The following STRA6 variants were observed in gnomAD, a reference collection of about 807,000 sequenced individuals.
STRA6 encodes receptor for retinol uptake STRA6.
A neutral mutation model predicts 83.6 loss-of-function variants in STRA6; 48 were observed. That is an observed-to-expected ratio of 0.57 (90% CI 0.46 to 0.73). The LOEUF is 0.73. STRA6 is among the 30% of genes least tolerant of loss of function. The probability of loss-of-function intolerance (pLI) is 0.00; values close to 1 mark genes in which losing one functional copy is unlikely to be tolerated. For missense variants in STRA6, 760 were observed against 838.8 expected (o/e 0.91, Z 1.16); for synonymous variants, 353 against 362.3 (o/e 0.97, Z 0.29).
chr15:74,192,386 C>T (rs759052523), intron 8 of STRA6, among the ~76,000 whole-genome samples: 7 of 152,130 alleles, frequency 4.6e-5, no homozygotes, highest in African/African-American at 7.2e-5. Flanking sequence ...GAGCTACAAG[C>T]GCTCAGAACT....
Position 74,191,449 on chromosome 15 carries a change from G to A in STRA6, c.763C>T (p.Leu255Phe). The change falls in exon 9 of 19, where the codon CTT becomes TTT. Residue 255 changes from leucine (L) to phenylalanine (F), a missense_variant. Coordinates refer to ENST00000395105, the MANE Select transcript of STRA6 (RefSeq NM_022369.4). ...SYSEEYLRNL[L>F]CRKKLGSSYH... ...CTGCTTCCCAGCTTCTTCCTGCAAA[G>A]GAGGTTCCTCAGATATTCCTCAGAG... is the stretch of plus-strand genomic sequence containing the variant. The A allele has an allele frequency of 1.2e-6, 2 of 1,614,208 alleles. No individual in the cohort carries two copies. The highest frequency in any genetic ancestry group is 1.7e-6 in the Non-Finnish European group (2 of 1,180,044).
At chr15:74,180,340 T>C in intron 18 of STRA6, 97 bp from the exon 19 acceptor site, 2 of 1,506,690 alleles carry the variant, frequency 1.3e-6, no homozygotes, top group Non-Finnish European at 1.8e-6. Flanking sequence ...ATCCCAGGCG[T>C]GTGCAGGTCG....
At chr15:74,193,361 C>A (rs2073646285) in intron 8 of STRA6, among the ~76,000 whole-genome samples, 1 of 152,192 alleles carries the variant, frequency 6.6e-6, no homozygotes, top group African/African-American at 2.4e-5. Flanking sequence ...TCTCAGCCCT[C>A]CCCTTTATCT....
chr15:74,180,684 T>C (rs1456031978), intron 18 of STRA6, 98 bp downstream of exon 18: 2 of 1,498,112 alleles, frequency 1.3e-6, no homozygotes, highest in African/African-American at 2.8e-5. Flanking sequence ...AAGTGAGAAT[T>C]TTCCTGGCGC....
exon 1 of STRA6, chr15:74,208,910 G>T: frequency 1.0e-6 from 1 of 990,506 alleles, no homozygotes; most frequent in Non-Finnish European, 1.2e-6. Flanking sequence ...CCAACACGGG[G>T]CCTTCTCCTC....
At position 74,183,900 on chromosome 15, in the gene STRA6, C is replaced by G. The variant is rs1595827185; in HGVS notation, c.1256G>C (p.Cys419Ser). ...SPHPSRQAIFCWMSFSAYQTA... is the reference protein window; with the variant it reads ...SPHPSRQAIFSWMSFSAYQTA... Reference sequence around the variant, plus strand: ...CTGGTAGGCACTGAAGCTCATCCAACAGAATATGGCTTGGCGGGAGGGATG... The same window carrying G: ...CTGGTAGGCACTGAAGCTCATCCAAGAGAATATGGCTTGGCGGGAGGGATG... Residue 419 changes from cysteine to serine, a missense_variant, in exon 14 of 19, where the codon TGT becomes TCT. Physicochemically the swap from Cys to Ser is moderately radical, Grantham distance 112. Coordinates refer to ENST00000395105, the MANE Select transcript of STRA6 (RefSeq NM_022369.4). 4 of 1,614,138 alleles carry G rather than the reference C, an allele frequency of 2.5e-6. No homozygotes were observed. In the East Asian group the frequency reaches 6.7e-5, roughly 27 times the overall value.
At chr15:74,211,619 G>A (rs982219591), upstream of STRA6, among the ~76,000 whole-genome samples, 1 of 152,006 alleles carries the variant, frequency 6.6e-6, no homozygotes, top group Non-Finnish European at 1.5e-5. Context: ...GGTCAGGCTG[G>A]TCTCGAACTC....
At chr15:74,183,421 T>C (rs1383529613) in intron 14 of STRA6, 2 of 800,548 alleles carry the variant, frequency 2.5e-6, no homozygotes, top group Non-Finnish European at 3.2e-6. Flanking sequence ...AATTTTTGTA[T>C]TTTTAGTAGA....
At position 74,183,972 on chromosome 15, in the gene STRA6, A is replaced by C. The variant is rs1223122538; in HGVS notation, c.1184T>G (p.Leu395Arg). The change falls in exon 14 of 19, where the codon CTG (leucine) becomes CGG (arginine). Residue 395 changes from leucine to arginine, a missense_variant. Transcript: ENST00000395105. Reference sequence around the variant, plus strand: ...CAAGTCCAGGGCAGCTCCTCGGTGCAGAGCTCGAAGGTTGGTCCTGGGGTG... The same window carrying C: ...CAAGTCCAGGGCAGCTCCTCGGTGCCGAGCTCGAAGGTTGGTCCTGGGGTG... ...LVTHRTNLRA[L>R]HRGAALDLSP... is the part of the protein sequence containing the mutation. The C allele has an allele frequency of 6.2e-7, 1 of 1,613,510 alleles. No individual in the cohort carries two copies. Among genetic ancestry groups the C allele is most frequent in the South Asian group, 1.1e-5 (1 of 91,080 alleles).
In STRA6 at chr15:74,183,950, G is replaced by T; in HGVS notation, c.1206C>A (p.Asp402Glu). The change falls in exon 14 of 19, where the codon GAC becomes GAA. Residue 402 changes from aspartate (D) to glutamate (E), a missense_variant. Transcript: ENST00000395105. ...LRALHRGAAL[D>E]LSPLHRSPHP... ...GGGGACTCCGATGCAAGGGACTCAAGTCCAGGGCAGCTCCTCGGTGCAGAG... is the reference window on the plus strand; with the variant it reads ...GGGGACTCCGATGCAAGGGACTCAATTCCAGGGCAGCTCCTCGGTGCAGAG... 1 of 1,613,860 alleles carries T rather than the reference G, an allele frequency of 6.2e-7. No homozygotes were observed. Among genetic ancestry groups the T allele is most frequent in the Non-Finnish European group, 8.5e-7 (1 of 1,180,042 alleles).
chr15:74,182,074 T>C, intron 16 of STRA6, 87 bp downstream of exon 16: 1 of 1,132,700 alleles, frequency 8.8e-7, no homozygotes, highest in Non-Finnish European at 1.3e-6. Context: ...AAGGGATAGA[T>C]GGCAGTGGAG....
chr15:74,210,822 A>T (rs2074355823), upstream of STRA6, among the ~76,000 whole-genome samples: 1 of 152,154 alleles, frequency 6.6e-6, no homozygotes, highest in Admixed American at 6.5e-5. Flanking sequence ...CACAATTCCC[A>T]GGTTGTGTTC....
At chr15:74,195,142 C>A in intron 7 of STRA6, 160 bp downstream of exon 7, 1 of 1,508,792 alleles carries the variant, frequency 6.6e-7, no homozygotes, top group Non-Finnish European at 8.8e-7. Context: ...GCAGAGCAGC[C>A]AAGCTTGGAA....
intron 13 of STRA6, 24 bp from the exon 14 acceptor site, chr15:74,184,013 G>A (rs374154974): frequency 3.7e-6 from 6 of 1,611,018 alleles, no homozygotes. Flanking sequence ...CAGGGAGGCA[G>A]AGACCTCAGG....
At chr15:74,205,990 G>A (rs2074253343), upstream of STRA6, among the ~76,000 whole-genome samples, 1 of 152,218 alleles carries the variant, frequency 6.6e-6, no homozygotes, top group Non-Finnish European at 1.5e-5. Flanking sequence ...GGTTGGGGAG[G>A]CCACCTAGCC....
At chr15:74,197,123 C>T (rs2073855044) in intron 4 of STRA6, among the ~76,000 whole-genome samples, 2 of 152,262 alleles carry the variant, frequency 1.3e-5, no homozygotes, top group Admixed American at 6.5e-5. Flanking sequence ...GTCCTTTCTC[C>T]CAGGCGGGCT....
In STRA6 at chr15:74,202,713, C is replaced by G; in HGVS notation, c.-16G>C. The G allele has an allele frequency of 7.8e-7, 1 of 1,274,224 alleles. No individual in the cohort carries two copies. The highest frequency in any genetic ancestry group is 9.9e-7 in the Non-Finnish European group (1 of 1,013,434). The allele number at this position is 1,274,224 out of a possible 1,614,324, so 78.9% of individuals were successfully genotyped here. A position where few individuals can be genotyped will look rare whatever the true frequency, so the allele number is the denominator to read the frequency against. On this transcript the variant is annotated splice_region_variant and 5_prime_UTR_variant, in exon 1 of 19. Coordinates refer to ENST00000395105, the MANE Select transcript of STRA6 (RefSeq NM_022369.4). Reference sequence around the variant, plus strand: ...CACCTAGACAGACCCACAGACACACCAGAAGGGAGGCCCAGGGAGGAAGGA... The same window carrying G: ...CACCTAGACAGACCCACAGACACACGAGAAGGGAGGCCCAGGGAGGAAGGA...
In STRA6 at chr15:74,180,927, C is replaced by T. The variant is rs756400720; in HGVS notation, c.1695G>A (p.Thr565=). ...RAATLDPGYY[T]YRNFLKIEVS... is the part of the protein sequence containing the mutation. Reference sequence around the variant, plus strand: ...CTTCAATCTTCAAGAAGTTTCGGTACGTGTAGTAGCCTGGGGTGGGGTGGC... The same window carrying T: ...CTTCAATCTTCAAGAAGTTTCGGTATGTGTAGTAGCCTGGGGTGGGGTGGC... The change falls in exon 18 of 19, where the codon ACG becomes ACA. Residue 565 remains threonine, a synonymous_variant. Coordinates refer to ENST00000395105, the MANE Select transcript of STRA6 (RefSeq NM_022369.4). The T allele has an allele frequency of 1.5e-5, 25 of 1,613,694 alleles. No homozygotes were observed. Among genetic ancestry groups the T allele is most frequent in the East Asian group, 2.2e-5 (1 of 44,876 alleles).
rs2073370089 is a variant in STRA6 at position 74,188,456 on chromosome 15, C to T, written c.1090+659G>A. Among the ~76,000 whole-genome samples, 1 of 152,262 alleles carries T rather than the reference C, an allele frequency of 6.6e-6. No individual in the cohort carries two copies. Among genetic ancestry groups the T allele is most frequent in the African/African-American group, 2.4e-5 (1 of 41,466 alleles). ...GCCTAGGCTTCAGGAGCCCTGCGTT[C>T]TCTTGGCTGCACTCTGCCCTGCTGG... On this transcript the variant is annotated intron_variant, in intron 12 of 18. Coordinates refer to ENST00000395105, the MANE Select transcript of STRA6 (RefSeq NM_022369.4). This position sits in a 1 kb window ranked among gnomAD's most constrained non-coding sequence, Gnocchi z 4.5.
Sources: allele counts gnomAD v4.1 joint callset (sites outside exome capture counted in the v4.1 genomes callset), GRCh38; gene constraint gnomAD v4.1.1; non-coding constraint Gnocchi (gnomAD v3.1); transcripts MANE v1.5; gene names NCBI Gene and HGNC (gene_info 2026-07-23, HGNC 2026-07-21).